PCDHGA9: variants seen among roughly 807,000 people sequenced by gnomAD.
PCDHGA9 encodes the protein protocadherin gamma subfamily A, 9.
In PCDHGA9, 37 loss-of-function variants were observed where a neutral mutation model predicts 62.5. The ratio of observed to expected loss-of-function variants is 0.59; its 90% CI spans 0.46 to 0.78. The LOEUF (loss-of-function observed/expected upper bound fraction) is 0.78, where lower values mean the gene tolerates loss of function less well. Among genes scored for constraint, PCDHGA9 ranks in the 30% least tolerant of loss-of-function variants. PCDHGA9 has a pLI of 0.00. For missense variants in PCDHGA9, 1,138 were observed against 1,166.2 expected, an observed-to-expected ratio of 0.98 and a Z score of 0.35; for synonymous variants, 459 against 484.6, an observed-to-expected ratio of 0.95 and a Z score of 0.69.
chr5:141,485,226 T>C lies in PCDHGA9; in HGVS notation c.2425-9581T>C. ...GAAATCTGGCGGTGGGCTACCCTTT[T>C]GTTCCTCTTTTACCACCTGGGTTAC... On this transcript the variant is annotated intron_variant, in intron 1 of 3. Transcript: ENST00000573521. The surrounding 1 kb of genome is among the most constrained non-coding windows in gnomAD (Gnocchi z 5.7). 1.9e-6 allele frequency: 3 copies of C among 1,614,170 alleles called. No homozygotes were observed. Among genetic ancestry groups the C allele is most frequent in the Non-Finnish European group, 2.5e-6 (3 of 1,180,026 alleles).
At chr5:141,483,967 G>C (rs2099589454) in intron 1 of PCDHGA9, among the ~76,000 whole-genome samples, 1 of 149,276 alleles carries the variant, frequency 6.7e-6, no homozygotes, top group African/African-American at 2.5e-5. Flanking sequence ...TTCTGTGCTT[G>C]TGCAAGGGAG....
chr5:141,491,199 C>T lies in PCDHGA9; in HGVS notation c.2425-3608C>T. ...TGGTCCTGGTGAGGGACAATGGTGA[C>T]CCTTCACTCTCCTCCACAGCCACAG... On this transcript the variant is annotated intron_variant, in intron 1 of 3. Coordinates refer to ENST00000573521, the MANE Select transcript of PCDHGA9 (RefSeq NM_018921.3). The surrounding 1 kb of genome is among the most constrained non-coding windows in gnomAD (Gnocchi z 6.9). 1 of 1,614,190 alleles carries T rather than the reference C, an allele frequency of 6.2e-7. No homozygotes were observed. Among genetic ancestry groups the T allele is most frequent in the South Asian group, 1.1e-5 (1 of 91,086 alleles).
At chr5:141,459,499 G>A (rs2098968854) in intron 1 of PCDHGA9, among the ~76,000 whole-genome samples, 1 of 152,172 alleles carries the variant, frequency 6.6e-6, no homozygotes, top group Non-Finnish European at 1.5e-5. Context: ...TTAAAGTGAT[G>A]TGAACAATCA....
chr5:141,421,524 G>A (rs375937711), intron 1 of PCDHGA9: 25 of 1,613,940 alleles, frequency 1.5e-5, no homozygotes, highest in Admixed American at 5.0e-5. Context: ...TCTGTGAGAC[G>A]GTGTCCTCCT....
rs181495329 is a variant in PCDHGA9, at chr5:141,489,120, G to A, written c.2425-5687G>A. ...AACTGCTGCAAGCAGGCAAACCTCC[G>A]AGCAGTTTTTAAGAGGCTGGAAGGA... is the stretch of plus-strand genomic sequence containing the variant. On this transcript the variant is annotated intron_variant, in intron 1 of 3. Coordinates refer to ENST00000573521, the MANE Select transcript of PCDHGA9 (RefSeq NM_018921.3). This position sits in a 1 kb window ranked among gnomAD's most constrained non-coding sequence, Gnocchi z 4.5. 1.8e-5 allele frequency: 8 copies of A among 445,672 alleles called. No homozygotes were observed. The East Asian group carries it at 1.9e-4, about 11-fold the overall frequency. The allele number at this position is 445,672 out of a possible 1,614,324, so 27.6% of individuals were successfully genotyped here.
chr5:141,471,124 A>C (rs2099250596), intron 1 of PCDHGA9, among the ~76,000 whole-genome samples: 1 of 141,916 alleles, frequency 7.0e-6, no homozygotes, highest in East Asian at 2.1e-4. Flanking sequence ...TCTTACCTTC[A>C]CTGCAACCTC....
At chr5:141,460,795 G>A (rs1007673184) in intron 1 of PCDHGA9, among the ~76,000 whole-genome samples, 3 of 151,492 alleles carry the variant, frequency 2.0e-5, no homozygotes, top group African/African-American at 4.9e-5. Flanking sequence ...TACACACAAA[G>A]TATATATATG....
intron 3 of PCDHGA9, among the ~76,000 whole-genome samples, chr5:141,505,766 C>T (rs1420683619): frequency 2.0e-5 from 3 of 151,768 alleles, no homozygotes; most frequent in African/African-American, 4.8e-5. Context: ...CAGTGTAGCT[C>T]AGGTCCTAGC....
At chr5:141,413,820 C>T in intron 1 of PCDHGA9, 1 of 1,613,204 alleles carries the variant, frequency 6.2e-7, no homozygotes, top group Non-Finnish European at 8.5e-7. Flanking sequence ...ACCACCTGGT[C>T]CTCACCGCCT....
chr5:141,487,675 A>G lies in PCDHGA9; in HGVS notation c.2425-7132A>G, dbSNP rs752606441. ...GTTATTCTGATCCAGGCATATGGCT[A>G]GGCCATGTCCTAGAGAGTACTGGCC... On this transcript the variant is annotated intron_variant, in intron 1 of 3. Transcript: ENST00000573521. This position sits in a 1 kb window ranked among gnomAD's most constrained non-coding sequence, Gnocchi z 5.0. 22 of 1,611,038 alleles carry G rather than the reference A, an allele frequency of 1.4e-5. No individual in the cohort carries two copies. Among genetic ancestry groups the G allele is most frequent in the Non-Finnish European group, 1.7e-5 (20 of 1,178,458 alleles).
rs747283905 is a variant in PCDHGA9, at chr5:141,491,693, G to A, written c.2425-3114G>A. On this transcript the variant is annotated intron_variant, in intron 1 of 3. Transcript: ENST00000573521. The surrounding 1 kb of genome is among the most constrained non-coding windows in gnomAD (Gnocchi z 6.9). ...TCCCGCTCTAATACGCTGCGGGAGC[G>A]GAGCCAGGTGAGGGGCTCGGCGCCG... 3.7e-5 allele frequency: 59 copies of A among 1,612,434 alleles called. No homozygotes were observed. Among genetic ancestry groups the A allele is most frequent in the Non-Finnish European group, 4.7e-5 (55 of 1,179,352 alleles).
chr5:141,491,876 A>G lies in PCDHGA9; in HGVS notation c.2425-2931A>G. ...TTGCGCGAAACCAGAGTGGCCGATT[A>G]AGGGATGGGGCTCCGAGCACCGGGG... On this transcript the variant is annotated intron_variant, in intron 1 of 3. Coordinates refer to ENST00000573521, the MANE Select transcript of PCDHGA9 (RefSeq NM_018921.3). The surrounding 1 kb of genome is among the most constrained non-coding windows in gnomAD (Gnocchi z 6.9). 2.1e-6 allele frequency: 3 copies of G among 1,450,326 alleles called. No individual in the cohort carries two copies. Among genetic ancestry groups the G allele is most frequent in the Non-Finnish European group, 1.8e-6 (2 of 1,097,472 alleles). 89.8% of individuals were successfully genotyped at this position (1,450,326 alleles called of 1,614,324 possible).
In PCDHGA9 at chr5:141,511,032, G is replaced by C. The variant is rs779589499; in HGVS notation, c.2658G>C (p.Gln886His). Residue 886 changes from glutamine to histidine, a missense_variant, in exon 4 of 4, where the codon CAG (glutamine) becomes CAC (histidine). Gln to His is a conservative substitution (Grantham distance 24). Coordinates refer to ENST00000573521, the MANE Select transcript of PCDHGA9 (RefSeq NM_018921.3). ...SARYGPQFTL[Q>H]HVPDYRQNVY... ...GCTACGGACCCCAGTTCACCCTGCA[G>C]CACGTGCCCGACTACCGCCAGAATG... 6.2e-7 allele frequency: 1 copy of C among 1,614,228 alleles called. No individual in the cohort carries two copies. The highest frequency in any genetic ancestry group is 8.5e-7 in the Non-Finnish European group (1 of 1,180,036).
At chr5:141,484,135 A>G (rs181630887) in intron 1 of PCDHGA9, among the ~76,000 whole-genome samples, 6 of 152,270 alleles carry the variant, frequency 3.9e-5, no homozygotes, top group Admixed American at 1.3e-4. Flanking sequence ...GTGTCAGATA[A>G]AGGGAATTTG....
At chr5:141,507,349 A>G (rs537480798) in intron 3 of PCDHGA9, 1 of 152,236 alleles carries the variant, frequency 6.6e-6, no homozygotes, top group African/African-American at 2.4e-5. Flanking sequence ...CTGAAATTCA[A>G]ATTTAACTGG....
In PCDHGA9 at chr5:141,476,335, C is replaced by A; in HGVS notation, c.2425-18472C>A. On this transcript the variant is annotated intron_variant, in intron 1 of 3. Coordinates refer to ENST00000573521, the MANE Select transcript of PCDHGA9 (RefSeq NM_018921.3). The surrounding 1 kb of genome is among the most constrained non-coding windows in gnomAD (Gnocchi z 7.6). Reference sequence around the variant, plus strand: ...GGTTCCGGGTGGTGTCTGGAGCTAGCCGAAGATTCTTTGAGGTGAACCGGG... The same window carrying A: ...GGTTCCGGGTGGTGTCTGGAGCTAGACGAAGATTCTTTGAGGTGAACCGGG... 2 of 1,614,120 alleles carry A rather than the reference C, an allele frequency of 1.2e-6. No individual in the cohort carries two copies. Among genetic ancestry groups the A allele is most frequent in the Non-Finnish European group, 1.7e-6 (2 of 1,180,026 alleles).
Position 141,487,399 on chromosome 5 carries a change from G to T in PCDHGA9, c.2425-7408G>T, listed in dbSNP as rs749826036. 6.2e-7 allele frequency: 1 copy of T among 1,614,140 alleles called. No individual in the cohort carries two copies. The highest frequency in any genetic ancestry group is 8.5e-7 in the Non-Finnish European group (1 of 1,180,014). ...TCACCAGATCTCGAAGGAGGGAGGG[G>T]CTTCCCCCTTCCAATGGGATCCTCC... On this transcript the variant is annotated intron_variant, in intron 1 of 3. Transcript: ENST00000573521. The surrounding 1 kb of genome is among the most constrained non-coding windows in gnomAD (Gnocchi z 5.0).
rs1403789987 is a variant in PCDHGA9 at position 141,511,845 on chromosome 5, T to C, written c.*672T>C. The C allele has an allele frequency of 6.4e-6, 1 of 156,740 alleles. No individual in the cohort carries two copies. The highest frequency in any genetic ancestry group is 1.4e-5 in the Non-Finnish European group (1 of 70,694). 9.7% of individuals were successfully genotyped at this position (156,740 alleles called of 1,614,324 possible). A position where few individuals can be genotyped will look rare whatever the true frequency, so the allele number is the denominator to read the frequency against. On this transcript the variant is annotated 3_prime_UTR_variant, in exon 4 of 4. Transcript: ENST00000573521. ...AACGCCCTGGGGACCAGTCTTCTGT[T>C]TTGTTTTTCATTGTTTGACGTTTCC...
intron 2 of PCDHGA9, among the ~76,000 whole-genome samples, 199 bp downstream of exon 2, chr5:141,495,064 C>T (rs563712352): frequency 6.6e-6 from 1 of 152,296 alleles, no homozygotes; most frequent in South Asian, 2.1e-4. Context: ...GTTCAGGAAG[C>T]TCAATTCACA....
Sources: allele counts gnomAD v4.1 joint callset (sites outside exome capture counted in the v4.1 genomes callset), GRCh38; gene constraint gnomAD v4.1.1; non-coding constraint Gnocchi (gnomAD v3.1); transcripts MANE v1.5; gene names NCBI Gene and HGNC (gene_info 2026-07-23, HGNC 2026-07-21).